Variants in ASB2 observed in about 807,000 individuals in gnomAD.
ASB2 encodes ankyrin repeat and SOCS box protein 2.
A neutral mutation model predicts 62.4 loss-of-function variants in ASB2; 58 were observed. That is an observed-to-expected ratio of 0.93 (90% CI 0.75 to 1.16). ASB2 has a LOEUF of 1.16. ASB2 is among the 50% of genes most tolerant of loss of function. The pLI is 0.00. For synonymous variants in ASB2, 386 were observed against 385.3 expected (o/e 1.00, Z -0.02); for missense variants, 928 against 887.9 (o/e 1.05, Z -0.57).
rs533914465 is a variant in ASB2, at chr14:93,951,061, G to T, written c.818C>A (p.Thr273Asn). The T allele has an allele frequency of 1.1e-5, 17 of 1,614,202 alleles. No homozygotes were observed. The South Asian group carries it at 1.4e-4, about 14-fold the overall frequency. Residue 273 changes from threonine (T) to asparagine (N), a missense_variant, in exon 6 of 10, where the codon ACC becomes AAC. Transcript: ENST00000555019. ...ACTCTGGGCGGCCACGAACAAGGGG[G>T]TGATGCCGTAGGCGTTCTTGGATTC... ...KVESKNAYGI[T>N]PLFVAAQSGQ...
In ASB2 at chr14:93,934,290, G is replaced by A. The variant is rs554112222; in HGVS notation, c.*366C>T. ...TGGAGAGAAAGCTCTGAAGTCAAGT[G>A]GTGAGTTTTCCAGAACAAGTGGAGG... On this transcript the variant is annotated 3_prime_UTR_variant, in exon 10 of 10. Transcript: ENST00000555019. The A allele has an allele frequency of 8.6e-5, 40 of 462,750 alleles. No homozygotes were observed. Among genetic ancestry groups the A allele is most frequent in the Non-Finnish European group, 1.3e-4 (31 of 234,324 alleles). The allele number at this position is 462,750 out of a possible 1,614,324, so 28.7% of individuals were successfully genotyped here.
At position 93,953,537 on chromosome 14, in the gene ASB2, A is replaced by G. The variant is rs1211693924; in HGVS notation, c.479-30T>C. The G allele has an allele frequency of 3.2e-6, 5 of 1,553,678 alleles. No individual in the cohort carries two copies. In the African/African-American group the frequency reaches 5.5e-5, roughly 17 times the overall value. ...GGAGGGCCCACCGGGAAATTCATGT[A>G]GGAGAAAGATACTCAGCCCCGCAAC... On this transcript the variant is annotated intron_variant, in intron 4 of 9. Coordinates refer to ENST00000555019, the MANE Select transcript of ASB2 (RefSeq NM_001202429.2).
At chr14:93,964,139 AGT>A (rs1429291024) in intron 2 of ASB2, among the ~76,000 whole-genome samples, 193 bp downstream of exon 2, 2 of 152,212 alleles carry the variant, frequency 1.3e-5, no homozygotes, top group Non-Finnish European at 2.9e-5. Flanking sequence ...AAGGAGGCAG[AGT>A]GTGTATAGCA....
intron 1 of ASB2, among the ~76,000 whole-genome samples, chr14:93,972,665 C>T (rs1889792850): frequency 1.3e-5 from 2 of 152,212 alleles, no homozygotes; most frequent in African/African-American, 4.8e-5. Context: ...AAACCTCATC[C>T]CTCTGGAGGC....
chr14:93,956,186 G>A (rs1889194020), intron 3 of ASB2, among the ~76,000 whole-genome samples: 2 of 152,154 alleles, frequency 1.3e-5, no homozygotes, highest in African/African-American at 4.8e-5. Flanking sequence ...ATTTTCTAAG[G>A]AGCGCATTAG....
At chr14:93,962,456 G>A (rs1008740450) in intron 2 of ASB2, among the ~76,000 whole-genome samples, 14 of 152,168 alleles carry the variant, frequency 9.2e-5, no homozygotes, top group Admixed American at 8.5e-4. Context: ...GAGGTTTCAG[G>A]TCACTCCTAG....
Position 93,951,260 on chromosome 14 carries a change from A to G in ASB2, c.635-16T>C, listed in dbSNP as rs377025039. ...CGCTCGCAGGCTGTGCTCAGGGGGA[A>G]GCAGGGATGGTCAGCAGGGCCTGGC... is the stretch of plus-strand genomic sequence containing the variant. On this transcript the variant is annotated splice_polypyrimidine_tract_variant and intron_variant, in intron 5 of 9. Transcript: ENST00000555019. 8.9e-6 allele frequency: 14 copies of G among 1,580,388 alleles called. No homozygotes were observed. Among genetic ancestry groups the G allele is most frequent in the Non-Finnish European group, 1.2e-5 (14 of 1,164,174 alleles).
Position 93,939,547 on chromosome 14 carries a change from A to G in ASB2, c.1178T>C (p.Phe393Ser). ...GGGGGCCAGCGGCGTGTTCACGTCG[A>G]AGCGCGCGCTCAGCAGCGCCTCCAG... ...EVLEALLSAR[F>S]DVNTPLAPER... The change falls in exon 8 of 10, where the codon TTC becomes TCC. Residue 393 changes from phenylalanine (F) to serine (S), a missense_variant. Phe to Ser is a radical substitution (Grantham distance 155). Coordinates refer to ENST00000555019, the MANE Select transcript of ASB2 (RefSeq NM_001202429.2). 6.2e-7 allele frequency: 1 copy of G among 1,600,338 alleles called. No homozygotes were observed. Among genetic ancestry groups the G allele is most frequent in the Non-Finnish European group, 8.5e-7 (1 of 1,174,980 alleles).
intron 2 of ASB2, among the ~76,000 whole-genome samples, chr14:93,958,705 A>C (rs1889309968): frequency 6.6e-6 from 1 of 152,140 alleles, no homozygotes; most frequent in South Asian, 2.1e-4. Context: ...CCTGAGAAGG[A>C]GAGACAGCCG....
chr14:93,951,782 C>CA (rs1888979447), intron 5 of ASB2, among the ~76,000 whole-genome samples: 1 of 152,222 alleles, frequency 6.6e-6, no homozygotes. Context: ...GAGGAGTCAG[C>CA]GGTGTCATAA....
chr14:93,965,984 C>T (rs1889579909), intron 1 of ASB2, among the ~76,000 whole-genome samples: 1 of 152,260 alleles, frequency 6.6e-6, no homozygotes, highest in Non-Finnish European at 1.5e-5. Flanking sequence ...TCTCCTTCTT[C>T]AAGGCCCAGG....
In ASB2 at chr14:93,946,208, A is replaced by G. The variant is rs566614228; in HGVS notation, c.1052+1141T>C. Among the ~76,000 whole-genome samples, 3 of 152,322 alleles carry G rather than the reference A, an allele frequency of 2.0e-5. No homozygotes were observed. The South Asian group carries it at 6.2e-4, about 32-fold the overall frequency. On this transcript the variant is annotated intron_variant, in intron 7 of 9. Coordinates refer to ENST00000555019, the MANE Select transcript of ASB2 (RefSeq NM_001202429.2). ...TGGGGACGGGGCTTTCAAGGGGCAA[A>G]TCTCTTAACTACCAGAGTCTTCGTT... is the stretch of plus-strand genomic sequence containing the variant.
In ASB2 at chr14:93,939,589, C is replaced by A; in HGVS notation, c.1136G>T (p.Arg379Leu). 1 of 1,573,328 alleles carries A rather than the reference C, an allele frequency of 6.4e-7. No individual in the cohort carries two copies. Among genetic ancestry groups the A allele is most frequent in the Non-Finnish European group, 8.6e-7 (1 of 1,165,152 alleles). The change falls in exon 8 of 10, where the codon CGC becomes CTC. Residue 379 changes from arginine (R) to leucine (L), a missense_variant. Arg to Leu is a moderately radical substitution (Grantham distance 102). Transcript: ENST00000555019. ...CGCCTCCAGCACCTCGTCGTGGTTG[C>A]GCTCGGCCGCCAGGTGCAGCGGACT... ...GVSPLHLAAE[R>L]NHDEVLEALL... is the part of the protein sequence containing the mutation.
intron 9 of ASB2, 89 bp downstream of exon 9, chr14:93,937,609 G>A: frequency 1.5e-6 from 2 of 1,334,222 alleles, no homozygotes; most frequent in East Asian, 5.0e-5. Flanking sequence ...GGTGCTCACA[G>A]GGTTAGGAAC....
At chr14:93,958,479 C>T (rs944054679) in intron 2 of ASB2, among the ~76,000 whole-genome samples, 20 of 152,354 alleles carry the variant, frequency 1.3e-4, no homozygotes, top group Admixed American at 5.2e-4. Context: ...GACCTCCACA[C>T]TGACTGTCCC....
At position 93,951,015 on chromosome 14, in the gene ASB2, C is replaced by A. The variant is rs769338616; in HGVS notation, c.864G>T (p.Arg288Ser). The A allele has an allele frequency of 5.0e-6, 8 of 1,613,624 alleles. No homozygotes were observed. The Admixed American group carries it at 1.2e-4, about 24-fold the overall frequency. Reference sequence around the variant, plus strand: ...GCCACTCACCGTACTTGGCTAAGAACCTCAAGGCCTCCAACTGTCCACTCT... The same window carrying A: ...GCCACTCACCGTACTTGGCTAAGAAACTCAAGGCCTCCAACTGTCCACTCT... The part of the protein sequence containing the change: ...AAQSGQLEAL[R>S]FLAKYGADIN... The change falls in exon 6 of 10, where the codon AGG becomes AGT. Residue 288 changes from arginine to serine, a missense_variant. Physicochemically the swap from Arg to Ser is moderately radical, Grantham distance 110 (BLOSUM62 -1). Transcript: ENST00000555019.
rs181536528 is a variant in ASB2, at chr14:93,960,314, C to G, written c.207-3444G>C. ...TGCTGTGTCATCAGGTAGTTCTGGG[C>G]CTTCACCCTCATTAGACTGTGATCT... is the stretch of plus-strand genomic sequence containing the variant. On this transcript the variant is annotated intron_variant, in intron 2 of 9. Coordinates refer to ENST00000555019, the MANE Select transcript of ASB2 (RefSeq NM_001202429.2). Among the ~76,000 whole-genome samples, 87 of 152,254 alleles carry G rather than the reference C, an allele frequency of 5.7e-4. 2 individuals are homozygous for G. The highest frequency in any genetic ancestry group is 2.1e-3 in the African/African-American group (86 of 41,550).
chr14:93,936,431 C>T (rs1260268846), intron 9 of ASB2, among the ~76,000 whole-genome samples: 3 of 152,194 alleles, frequency 2.0e-5, no homozygotes, highest in Admixed American at 1.3e-4. Context: ...GGACTGATAC[C>T]TAGGCATAGA....
At position 93,939,052 on chromosome 14, in the gene ASB2, C is replaced by T. The variant is rs1018778349; in HGVS notation, c.1617+56G>A. 3.9e-5 allele frequency: 53 copies of T among 1,373,000 alleles called. 1 individual carries two copies. Among genetic ancestry groups the T allele is most frequent in the Non-Finnish European group, 4.5e-5 (48 of 1,061,562 alleles). The allele number at this position is 1,373,000 out of a possible 1,614,324, so 85.1% of individuals were successfully genotyped here. On this transcript the variant is annotated intron_variant, in intron 8 of 9. Transcript: ENST00000555019. ...CCCGCCCGCCTCCCATGCGCGCGCG[C>T]GTCCCTGGGCCACACCCAAAAGGCG...
Sources: allele counts gnomAD v4.1 joint callset (sites outside exome capture counted in the v4.1 genomes callset), GRCh38; gene constraint gnomAD v4.1.1; transcripts MANE v1.5; gene names NCBI Gene and HGNC (gene_info 2026-07-23, HGNC 2026-07-21).